The following CHIC2 variants were observed in gnomAD, a reference collection of about 807,000 sequenced individuals.
CHIC2 encodes the protein cysteine rich hydrophobic domain 2.
A neutral mutation model predicts 25.9 loss-of-function variants in CHIC2; 14 were observed. The observed-to-expected ratio is 0.54, with a 90% CI of 0.36 to 0.85. The LOEUF is 0.85. CHIC2 is among the 40% of genes least tolerant of loss of function. The pLI is 0.01. For synonymous variants in CHIC2, 70 were observed against 72.0 expected (o/e 0.97, Z 0.14); for missense variants, 146 against 202.0 (o/e 0.72, Z 1.68).
chr4:54,078,174 A>G, the CHIC2 span, among the ~76,000 whole-genome samples: 1 of 152,228 alleles, frequency 6.6e-6, no homozygotes, highest in Non-Finnish European at 1.5e-5. Flanking sequence ...AACTTTAGGT[A>G]GCTCAGGACC....
At chr4:54,086,105 A>C in the CHIC2 span, among the ~76,000 whole-genome samples, 1 of 152,016 alleles carries the variant, frequency 6.6e-6, no homozygotes, top group Admixed American at 6.6e-5. Flanking sequence ...TCAATCCTTC[A>C]TAAATTATTG....
intron 3 of CHIC2, among the ~76,000 whole-genome samples, chr4:54,021,671 A>T (rs1036959099): frequency 1.3e-5 from 2 of 152,086 alleles, no homozygotes; most frequent in Non-Finnish European, 2.9e-5. Context: ...ACCTCTCCCA[A>T]ATCAGTTAGC....
chr4:54,088,395 T>A, the CHIC2 span, among the ~76,000 whole-genome samples: 12 of 152,216 alleles, frequency 7.9e-5, no homozygotes, highest in African/African-American at 2.9e-4. Flanking sequence ...GTTGATATTT[T>A]AGGAATTACA....
At chr4:54,086,128 G>T in the CHIC2 span, among the ~76,000 whole-genome samples, 1 of 151,694 alleles carries the variant, frequency 6.6e-6, no homozygotes, top group South Asian at 2.1e-4. Flanking sequence ...CATCTCCTCT[G>T]CCAGGTTCTG....
the CHIC2 span, among the ~76,000 whole-genome samples, chr4:54,085,888 C>T: frequency 2.6e-4 from 39 of 151,818 alleles, 1 homozygote; most frequent in Admixed American, 6.6e-4. Flanking sequence ...AGTCTAAATC[C>T]AGGATCTGAT....
At chr4:54,033,627 T>C (rs1447234346) in intron 3 of CHIC2, among the ~76,000 whole-genome samples, 3 of 152,064 alleles carry the variant, frequency 2.0e-5, no homozygotes, top group Non-Finnish European at 2.9e-5. Context: ...TTTTCTCCTA[T>C]GTTTTCTTCT....
upstream of CHIC2, chr4:54,064,766 C>A: frequency 5.6e-6 from 3 of 535,442 alleles, no homozygotes; most frequent in Non-Finnish European, 7.2e-6. The surrounding 1 kb of genome is among the most constrained non-coding windows in gnomAD (Gnocchi z 4.2). Flanking sequence ...CGCTCCCAGG[C>A]CACCGTCTTT....
chr4:54,012,575 TA>T (rs1449555982), intron 5 of CHIC2, among the ~76,000 whole-genome samples: 1 of 152,094 alleles, frequency 6.6e-6, no homozygotes, highest in Admixed American at 6.6e-5. Context: ...ATGTAGTAAA[TA>T]TTTTTTTCAC....
intron 3 of CHIC2, among the ~76,000 whole-genome samples, chr4:54,040,788 G>C (rs1487197703): frequency 6.7e-6 from 1 of 149,624 alleles, no homozygotes; most frequent in East Asian, 2.0e-4. Flanking sequence ...TGAGGCAGGA[G>C]AATTGCTTGA....
At chr4:54,053,141 G>A (rs1040383120) in intron 1 of CHIC2, among the ~76,000 whole-genome samples, 5 of 152,122 alleles carry the variant, frequency 3.3e-5, no homozygotes, top group Admixed American at 6.5e-5. Context: ...TCTCAATGGA[G>A]GAAAATGTTG....
upstream of CHIC2, among the ~76,000 whole-genome samples, chr4:54,066,734 TC>T (rs954209291): frequency 4.6e-5 from 7 of 151,444 alleles, no homozygotes; most frequent in African/African-American, 1.7e-4. Flanking sequence ...CAAGCGATCC[TC>T]CCTCCTCAGC....
intron 1 of CHIC2, among the ~76,000 whole-genome samples, chr4:54,058,333 G>A (rs1325640432): frequency 6.6e-6 from 1 of 152,022 alleles, no homozygotes; most frequent in East Asian, 1.9e-4. Flanking sequence ...ACTGAAGTTC[G>A]GAAAGGTTAA....
At chr4:54,062,339 T>G (rs1717360422) in intron 1 of CHIC2, among the ~76,000 whole-genome samples, 1 of 151,994 alleles carries the variant, frequency 6.6e-6, no homozygotes, top group Admixed American at 6.6e-5. Context: ...TTTTATTTAT[T>G]TATTTATTTA....
chr4:54,028,648 G>A (rs1377956202), intron 3 of CHIC2, among the ~76,000 whole-genome samples: 1 of 152,126 alleles, frequency 6.6e-6, no homozygotes, highest in African/African-American at 2.4e-5. Flanking sequence ...CTAATAGCCG[G>A]TATACAATAA....
intron 3 of CHIC2, among the ~76,000 whole-genome samples, chr4:54,047,856 ATTT>A (rs1216076437): frequency 6.6e-6 from 1 of 151,892 alleles, no homozygotes; most frequent in Non-Finnish European, 1.5e-5. Flanking sequence ...AAAAAATAAA[ATTT>A]ATTTATTTAA....
intron 5 of CHIC2, among the ~76,000 whole-genome samples, chr4:54,012,376 GACAA>G (rs766425446): frequency 2.6e-5 from 4 of 152,016 alleles, no homozygotes; most frequent in East Asian, 1.9e-4. Flanking sequence ...AAACTTATTT[GACAA>G]ACAAAGCATA....
Position 54,056,730 on chromosome 4 carries a change from A to G in CHIC2, c.120-7425T>C, listed in dbSNP as rs1717188221. ...GAGAAAAAAAGCTTAAGAACAAAAA[A>G]ATTATTCTTCAGGGACACTGTGAGA... On this transcript the variant is annotated intron_variant, in intron 1 of 5. Transcript: ENST00000263921. 5.9e-5 allele frequency among the ~76,000 whole-genome samples: 9 copies of G among 152,218 alleles called. No homozygotes were observed. The South Asian group carries it at 1.9e-3, about 32-fold the overall frequency.
chr4:54,076,866 T>A, the CHIC2 span: 1 of 152,196 alleles, frequency 6.6e-6, no homozygotes, highest in Non-Finnish European at 1.5e-5. Context: ...ATGTTAAGAA[T>A]GTTTTGGGAT....
rs553398397 is a variant in CHIC2, at chr4:54,047,387, T to C, written c.330+1568A>G. Among the ~76,000 whole-genome samples, 18 of 152,118 alleles carry C rather than the reference T, an allele frequency of 1.2e-4. No individual in the cohort carries two copies. The East Asian group carries it at 3.5e-3, about 29-fold the overall frequency. On this transcript the variant is annotated intron_variant, in intron 3 of 5. Coordinates refer to ENST00000263921, the MANE Select transcript of CHIC2 (RefSeq NM_012110.4). ...CAGCACTATTCACAATAGCAAAGAC[T>C]TGGAACCAACCCAAATGTCCAACAA...
Sources: gnomAD v4.1 joint callset for allele counts (sites outside exome capture counted in the v4.1 genomes callset) on GRCh38, gnomAD v4.1.1 for gene constraint, Gnocchi (gnomAD v3.1) non-coding constraint, MANE v1.5 for transcripts, NCBI Gene and HGNC (gene_info 2026-07-23, HGNC 2026-07-21) for gene names.